Variants in ATP6V1C2 observed in about 807,000 individuals in gnomAD.
ATP6V1C2 encodes V-type proton ATPase subunit C 2.
In ATP6V1C2, 45 loss-of-function variants were observed where a neutral mutation model predicts 56.8. That is an observed-to-expected ratio of 0.79 (90% CI 0.62 to 1.02). ATP6V1C2 has a LOEUF of 1.02. Among genes scored for constraint, ATP6V1C2 ranks in the 50% least tolerant of loss-of-function variants. The pLI is 0.00. For missense variants in ATP6V1C2, 463 were observed against 519.7 expected, an observed-to-expected ratio of 0.89 and a Z score of 1.06; for synonymous variants, 220 against 201.3, an observed-to-expected ratio of 1.09 and a Z score of -0.79.
chr2:10,774,721 C>T, intron 8 of ATP6V1C2, 67 bp from the exon 9 acceptor site: 1 of 1,423,744 alleles, frequency 7.0e-7, no homozygotes, highest in Non-Finnish European at 9.9e-7. Flanking sequence ...AGGCCCGGGG[C>T]CTCTGAGCCC....
intron 3 of ATP6V1C2, among the ~76,000 whole-genome samples, chr2:10,740,350 A>G (rs1192413177): frequency 2.6e-5 from 4 of 152,066 alleles, no homozygotes; most frequent in African/African-American, 7.2e-5. Context: ...TTGTACTCCT[A>G]TTTGTGTGAC....
intron 3 of ATP6V1C2, among the ~76,000 whole-genome samples, chr2:10,743,233 C>A (rs965383342): frequency 6.6e-6 from 1 of 151,984 alleles, no homozygotes; most frequent in Non-Finnish European, 1.5e-5. Context: ...GGACTACAGG[C>A]ACACCCCACT....
chr2:10,736,721 G>A (rs115129091), intron 3 of ATP6V1C2, among the ~76,000 whole-genome samples: 116 of 150,930 alleles, frequency 7.7e-4, no homozygotes, highest in African/African-American at 2.5e-3. Flanking sequence ...AATGCTAACA[G>A]CAATGAAGTT....
At chr2:10,770,011 C>G (rs1460459101) in intron 6 of ATP6V1C2, 1 of 152,214 alleles carries the variant, frequency 6.6e-6, no homozygotes. Context: ...GAGGTACCCC[C>G]ACTTCTGCAA....
At position 10,726,633 on chromosome 2, in the gene ATP6V1C2, G is replaced by A. The variant is rs1558383594; in HGVS notation, c.197+64G>A. 2.0e-6 allele frequency: 3 copies of A among 1,472,110 alleles called. No homozygotes were observed. In the East Asian group the frequency reaches 6.8e-5, roughly 33 times the overall value. The allele number at this position is 1,472,110 out of a possible 1,614,324, so 91.2% of individuals were successfully genotyped here. A position where few individuals can be genotyped will look rare whatever the true frequency, so the allele number is the denominator to read the frequency against. On this transcript the variant is annotated intron_variant, in intron 3 of 13. Transcript: ENST00000272238. ...TGACATTGTTGTCAGAGGACACAGT[G>A]TTCTTGCTTTGGCTGAACCGGAGTA...
intron 2 of ATP6V1C2, 91 bp downstream of exon 2, chr2:10,723,069 G>GA (rs2148399357): frequency 2.0e-6 from 3 of 1,512,114 alleles, no homozygotes; most frequent in Non-Finnish European, 2.7e-6. Flanking sequence ...AAGCCAAGGA[G>GA]AAAGTATCAA....
intron 3 of ATP6V1C2, among the ~76,000 whole-genome samples, chr2:10,741,632 C>A (rs553249509): frequency 4.6e-5 from 7 of 152,076 alleles, no homozygotes; most frequent in Non-Finnish European, 8.8e-5. Context: ...TGGAGACTGG[C>A]TTTAGGGGAA....
At chr2:10,778,091 C>G (rs1333744737) in intron 11 of ATP6V1C2, among the ~76,000 whole-genome samples, 1 of 152,026 alleles carries the variant, frequency 6.6e-6, no homozygotes, top group East Asian at 1.9e-4. Context: ...GGCGGGAGCT[C>G]GGGGCTCTTG....
At chr2:10,743,045 G>C (rs1440695771) in intron 3 of ATP6V1C2, among the ~76,000 whole-genome samples, 3 of 152,196 alleles carry the variant, frequency 2.0e-5, no homozygotes, top group Non-Finnish European at 4.4e-5. Flanking sequence ...GAGGTAAGGG[G>C]CTGGGCCTGA....
intron 3 of ATP6V1C2, among the ~76,000 whole-genome samples, chr2:10,740,388 TC>T (rs766521014): frequency 1.3e-5 from 2 of 152,182 alleles, no homozygotes; most frequent in African/African-American, 2.4e-5. Context: ...TGCTCCTGCA[TC>T]CCCTGGGCTG....
chr2:10,735,344 G>A (rs565186365), intron 3 of ATP6V1C2, among the ~76,000 whole-genome samples: 8 of 151,748 alleles, frequency 5.3e-5, no homozygotes, highest in Non-Finnish European at 1.2e-4. Context: ...TAATTTTTGT[G>A]TTTTTAGTGG....
At chr2:10,724,250 C>A (rs796355508) in intron 2 of ATP6V1C2, among the ~76,000 whole-genome samples, 7 of 152,258 alleles carry the variant, frequency 4.6e-5, no homozygotes, top group African/African-American at 1.7e-4. Context: ...CCTCACTTTG[C>A]CCCTCCGCCC....
At chr2:10,741,095 C>A (rs1384748811) in intron 3 of ATP6V1C2, among the ~76,000 whole-genome samples, 1 of 152,096 alleles carries the variant, frequency 6.6e-6, no homozygotes, top group Non-Finnish European at 1.5e-5. Context: ...ACAAGAGTAA[C>A]TTTGCTGGGT....
chr2:10,750,007 C>G (rs964815763), intron 3 of ATP6V1C2, among the ~76,000 whole-genome samples: 1 of 152,190 alleles, frequency 6.6e-6, no homozygotes, highest in Non-Finnish European at 1.5e-5. Flanking sequence ...AACACAGTAT[C>G]TAGACTCTTA....
chr2:10,779,727 G>A, intron 12 of ATP6V1C2, among the ~76,000 whole-genome samples: 1 of 150,822 alleles, frequency 6.6e-6, no homozygotes, highest in Middle Eastern at 3.2e-3. Context: ...GGGAAACCTG[G>A]CAACTCTAGG....
chr2:10,745,973 G>A (rs1338917932), intron 3 of ATP6V1C2, among the ~76,000 whole-genome samples: 1 of 152,132 alleles, frequency 6.6e-6, no homozygotes, highest in South Asian at 2.1e-4. Context: ...GTGCCGCATC[G>A]TATGGACACA....
rs1284161180 is a variant in ATP6V1C2, at chr2:10,764,190, C to G, written c.284-141C>G. 8 of 680,090 alleles carry G rather than the reference C, an allele frequency of 1.2e-5. No homozygotes were observed. In the East Asian group the frequency reaches 2.2e-4, roughly 19 times the overall value. The allele number at this position is 680,090 out of a possible 1,614,324, so 42.1% of individuals were successfully genotyped here. ...CTCCCGCAGGGAACGTTTGCTTTTC[C>G]AGAGCCCTGTGCCTGCCCGCCGGCG... On this transcript the variant is annotated intron_variant, in intron 4 of 13. Transcript: ENST00000272238.
Position 10,777,678 on chromosome 2 carries a change from G to A in ATP6V1C2, c.919G>A (p.Ala307Thr), listed in dbSNP as rs1303883231. 17 of 1,614,066 alleles carry A rather than the reference G, an allele frequency of 1.1e-5. No individual in the cohort carries two copies. The highest frequency in any genetic ancestry group is 1.4e-5 in the Non-Finnish European group (16 of 1,180,002). ...TPLGNPDRPA[A>T]GQTDRERESE... ...GCTAGGTAACCCTGATAGGCCTGCT[G>A]CGGGGCAGACCGACAGAGAGAGAGA... Residue 307 changes from alanine (A) to threonine (T), a missense_variant, in exon 11 of 14, where the codon GCG (alanine) becomes ACG (threonine). Ala to Thr is a moderately conservative substitution (Grantham distance 58). Coordinates refer to ENST00000272238, the MANE Select transcript of ATP6V1C2 (RefSeq NM_001039362.2).
At chr2:10,724,867 G>A (rs1032546815) in intron 2 of ATP6V1C2, among the ~76,000 whole-genome samples, 1 of 151,842 alleles carries the variant, frequency 6.6e-6, no homozygotes, top group African/African-American at 2.4e-5. Flanking sequence ...GAGACGGGGT[G>A]TCACCAGGTT....
Sources: allele counts gnomAD v4.1 joint callset (sites outside exome capture counted in the v4.1 genomes callset), GRCh38; gene constraint gnomAD v4.1.1; transcripts MANE v1.5; gene names NCBI Gene and HGNC (gene_info 2026-07-23, HGNC 2026-07-21).